Variants in TENM3 observed in about 807,000 individuals in gnomAD.
TENM3 encodes the protein teneurin transmembrane protein 3, also known as teneurin-3.
A neutral mutation model predicts 255.1 loss-of-function variants in TENM3; 63 were observed. The observed-to-expected ratio is 0.25, with a 90% CI of 0.20 to 0.30. TENM3 has a LOEUF of 0.30. Ranked by LOEUF, TENM3 falls within the 10% of genes least tolerant of loss-of-function variation. The probability of loss-of-function intolerance (pLI) is 1.00; values close to 1 mark genes in which losing one functional copy is unlikely to be tolerated. For synonymous variants in TENM3, 1,306 were observed against 1,322.3 expected (o/e 0.99, Z 0.27); for missense variants, 2,929 against 3,461.1 (o/e 0.85, Z 3.86).
chr4:182,238,606 A>G (rs760479877), upstream of TENM3, among the ~76,000 whole-genome samples: 1 of 152,198 alleles, frequency 6.6e-6, no homozygotes, highest in Non-Finnish European at 1.5e-5. Flanking sequence ...GACCTGGGGC[A>G]GTGACGGGCA....
intron 3 of TENM3, among the ~76,000 whole-genome samples, chr4:182,476,757 CTGTAAA>C (rs1172185359): frequency 6.6e-6 from 1 of 152,130 alleles, no homozygotes; most frequent in Non-Finnish European, 1.5e-5. Context: ...AGATCAGCTG[CTGTAAA>C]TGTTATAAGA....
rs1762634193 is a variant in TENM3 at position 182,755,144 on chromosome 4, G to A, written c.4777G>A (p.Gly1593Arg). Reference sequence around the variant, plus strand: ...GATATGGTTGACAATAGGAACAAATGGATGTTTGAAAAGCATGACTGCTCA... The same window carrying A: ...GATATGGTTGACAATAGGAACAAATAGATGTTTGAAAAGCATGACTGCTCA... ...QVIWLTIGTN[G>R]CLKSMTAQGL... The change falls in exon 22 of 28, where the codon GGA (glycine) becomes AGA (arginine). Residue 1593 changes from glycine to arginine, a missense_variant. By Grantham distance (125) the Gly-to-Arg change is moderately radical (BLOSUM62 -2). Around this residue, in one of 6 missense-constraint regions of TENM3, gnomAD observed 1,608 missense variants for 1,884.4 expected, o/e 0.85. Coordinates refer to ENST00000511685, the MANE Select transcript of TENM3 (RefSeq NM_001080477.4). The A allele has an allele frequency of 6.2e-7, 1 of 1,613,936 alleles. No individual in the cohort carries two copies. The highest frequency in any genetic ancestry group is 8.5e-7 in the Non-Finnish European group (1 of 1,179,880).
chr4:182,540,535 C>T (rs1456881226), intron 3 of TENM3, among the ~76,000 whole-genome samples: 4 of 151,818 alleles, frequency 2.6e-5, no homozygotes, highest in African/African-American at 9.7e-5. Context: ...TACGGTGAGC[C>T]GAGATCACGC....
the TENM3 span, among the ~76,000 whole-genome samples, chr4:182,096,825 A>G: frequency 6.6e-6 from 1 of 152,206 alleles, no homozygotes; most frequent in Non-Finnish European, 1.5e-5. Context: ...AGTGCAGACT[A>G]TGGGAAACTC....
At chr4:182,582,324 G>T (rs561691777) in intron 3 of TENM3, among the ~76,000 whole-genome samples, 60 of 152,222 alleles carry the variant, frequency 3.9e-4, no homozygotes, top group African/African-American at 1.4e-3. Context: ...AGAGCTTTGG[G>T]GTCATACTCT....
At chr4:182,475,095 T>G (rs12498612) in intron 3 of TENM3, among the ~76,000 whole-genome samples, 43,034 of 152,058 alleles carry the variant, frequency 0.28, 7,231 homozygotes, top group East Asian at 0.5. Flanking sequence ...TGGAGGTACC[T>G]TCCTTCCACT....
At chr4:182,244,321 A>T (rs111340684) in intron 1 of TENM3, among the ~76,000 whole-genome samples, 16 of 152,302 alleles carry the variant, frequency 1.1e-4, no homozygotes, top group African/African-American at 3.4e-4. Context: ...CGGCGATCAC[A>T]AAATATTTTT....
the TENM3 span, among the ~76,000 whole-genome samples, chr4:181,932,680 T>A: frequency 6.6e-6 from 1 of 152,158 alleles, no homozygotes; most frequent in African/African-American, 2.4e-5. Context: ...ACCCAAAGGA[T>A]TATACATCAT....
In TENM3 at chr4:182,561,973, TAGATAGATAGAC is replaced by T. The variant is rs201776096; in HGVS notation, c.512-38939_512-38928del. On this transcript the variant is annotated intron_variant, in intron 3 of 27. Transcript: ENST00000511685. The stretch of plus-strand genomic sequence containing the variant: ...ATAAACAATACTGTGTATATCCAGA[TAGATAGATAGAC>T]AGATAGATAGATAGATAGATAGATA... Among the ~76,000 whole-genome samples, 602 of 140,942 alleles carry T rather than the reference TAGATAGATAGAC, an allele frequency of 4.3e-3. 13 individuals carry two copies. Among genetic ancestry groups the T allele is most frequent in the Admixed American group, 0.028 (384 of 13,602 alleles). 92.5% of individuals were successfully genotyped at this position (140,942 alleles called of 152,430 possible). A position where few individuals can be genotyped will look rare whatever the true frequency, so the allele number is the denominator to read the frequency against.
the TENM3 span, among the ~76,000 whole-genome samples, chr4:181,891,244 T>G: frequency 6.6e-6 from 1 of 152,092 alleles, no homozygotes; most frequent in Non-Finnish European, 1.5e-5. Flanking sequence ...AACTAAGGAG[T>G]TGGCTACTTG....
chr4:181,485,312 G>A, the TENM3 span, among the ~76,000 whole-genome samples: 1 of 151,994 alleles, frequency 6.6e-6, no homozygotes, highest in African/African-American at 2.4e-5. Context: ...AACCTGTCAG[G>A]TCCATAACTC....
chr4:182,698,801 C>CGGCA (rs1309198917), intron 12 of TENM3, among the ~76,000 whole-genome samples: 1 of 152,154 alleles, frequency 6.6e-6, no homozygotes, highest in Non-Finnish European at 1.5e-5. Flanking sequence ...TCATATCAGA[C>CGGCA]GGCAGTGCCA....
chr4:181,647,820 C>G, the TENM3 span, among the ~76,000 whole-genome samples: 2 of 152,056 alleles, frequency 1.3e-5, no homozygotes, highest in Admixed American at 1.3e-4. Context: ...TCAGGGAAAC[C>G]GAACGGCAGC....
chr4:182,626,939 A>C (rs953062121), intron 4 of TENM3, among the ~76,000 whole-genome samples: 1 of 152,150 alleles, frequency 6.6e-6, no homozygotes, highest in Admixed American at 6.6e-5. Flanking sequence ...AAGAAAAAAA[A>C]CTGAGGTTCC....
intron 3 of TENM3, among the ~76,000 whole-genome samples, chr4:182,350,608 AC>A (rs2150698618): frequency 6.6e-6 from 1 of 152,294 alleles, no homozygotes; most frequent in South Asian, 2.1e-4. Context: ...GTGATGGGAT[AC>A]CCCAGTAAAA....
the TENM3 span, among the ~76,000 whole-genome samples, chr4:181,644,276 G>A: frequency 6.6e-6 from 1 of 151,958 alleles, no homozygotes; most frequent in Non-Finnish European, 1.5e-5. Flanking sequence ...AACAGAAGGG[G>A]GAATATTCTC....
chr4:182,329,964 C>A (rs1339835099), intron 2 of TENM3, among the ~76,000 whole-genome samples: 1 of 151,838 alleles, frequency 6.6e-6, no homozygotes, highest in Non-Finnish European at 1.5e-5. Context: ...AGAGAAAAGG[C>A]AGGTTACTTT....
chr4:181,871,241 T>C, the TENM3 span, among the ~76,000 whole-genome samples: 3 of 152,038 alleles, frequency 2.0e-5, no homozygotes, highest in Non-Finnish European at 4.4e-5. Context: ...TCCTTTACAA[T>C]TCCATATATG....
the TENM3 span, among the ~76,000 whole-genome samples, chr4:181,851,506 G>A: frequency 6.6e-6 from 1 of 152,064 alleles, no homozygotes; most frequent in African/African-American, 2.4e-5. Flanking sequence ...CCATCTGTAG[G>A]GTAGATACGA....
Sources: gnomAD v4.1 joint callset for allele counts (sites outside exome capture counted in the v4.1 genomes callset) on GRCh38, gnomAD v4.1.1 for gene constraint, gnomAD v4.1.1 regional missense constraint, MANE v1.5 for transcripts, NCBI Gene and HGNC (gene_info 2026-07-23, HGNC 2026-07-21) for gene names.